Variants in LACC1 observed in about 807,000 individuals in gnomAD.
The protein encoded by LACC1 is purine nucleoside phosphorylase LACC1.
In LACC1, 25 loss-of-function variants were observed where a neutral mutation model predicts 34.8. That is an observed-to-expected ratio of 0.72 (90% CI 0.52 to 1.00). LACC1 has a LOEUF of 1.00. Ranked by LOEUF, LACC1 falls within the 50% of genes least tolerant of loss-of-function variation. LACC1 has a pLI of 0.00. For missense variants in LACC1, 426 were observed against 511.2 expected (o/e 0.83, Z 1.61); for synonymous variants, 162 against 168.0 (o/e 0.96, Z 0.28).
At chr13:43,885,555 T>C (rs2138323638) in intron 4 of LACC1, among the ~76,000 whole-genome samples, 1 of 152,262 alleles carries the variant, frequency 6.6e-6, no homozygotes, top group South Asian at 2.1e-4. Flanking sequence ...GCTAGCCATA[T>C]GTAGGAAATT....
chr13:43,888,823 G>A lies in LACC1; in HGVS notation c.974G>A (p.Cys325Tyr). ...TVNAMIAEYG[C>Y]SLEDIVVVLG... ...AATGCTATGATAGCAGAATATGGCTGCAGTTTGGAAGACATTGTTGTTGTA... is the reference window on the plus strand; with the variant it reads ...AATGCTATGATAGCAGAATATGGCTACAGTTTGGAAGACATTGTTGTTGTA... Residue 325 changes from cysteine to tyrosine, a missense_variant, in exon 5 of 7, where the codon TGC becomes TAC. Cys to Tyr is a radical substitution (Grantham distance 194). Coordinates refer to ENST00000325686, the MANE Select transcript of LACC1 (RefSeq NM_153218.4). 1.9e-6 allele frequency: 3 copies of A among 1,613,908 alleles called. No homozygotes were observed. The highest frequency in any genetic ancestry group is 2.5e-6 in the Non-Finnish European group (3 of 1,179,848).
In LACC1 at chr13:43,890,156, G is replaced by A. The variant is rs753862339; in HGVS notation, c.1176G>A (p.Gln392=). 4 of 1,613,084 alleles carry A rather than the reference G, an allele frequency of 2.5e-6. No individual in the cohort carries two copies. The South Asian group carries it at 4.4e-5, about 18-fold the overall frequency. Residue 392 remains glutamine (Q), a synonymous_variant, in exon 6 of 7, where the codon CAG becomes CAA. Transcript: ENST00000325686. The part of the protein sequence containing the change: ...EQGGILPQNI[Q]DQNQDLNLCT... ...GAGGAATTCTTCCACAGAATATTCA[G>A]GACCAGAACCAAGATCTCAACCTCT...
chr13:43,887,380 C>T (rs1955380619), intron 4 of LACC1, among the ~76,000 whole-genome samples: 1 of 152,114 alleles, frequency 6.6e-6, no homozygotes, highest in African/African-American at 2.4e-5. Flanking sequence ...TAAGGGTACT[C>T]ATTATTGGCC....
intron 6 of LACC1, 25 bp downstream of exon 6, chr13:43,890,299 T>G: frequency 6.3e-7 from 1 of 1,587,292 alleles, no homozygotes; most frequent in Non-Finnish European, 8.6e-7. Context: ...CTCTCCTCTC[T>G]CCGTTTTTCC....
intron 5 of LACC1, 169 bp from the exon 6 acceptor site, chr13:43,889,945 C>A: frequency 1.8e-6 from 1 of 561,292 alleles, no homozygotes; most frequent in Admixed American, 3.4e-5. Context: ...TAAAGTGTAG[C>A]ATTTTTTTCC....
intron 2 of LACC1, 34 bp from the exon 3 acceptor site, chr13:43,882,151 C>T (rs769501321): frequency 6.6e-7 from 1 of 1,524,602 alleles, no homozygotes; most frequent in Non-Finnish European, 8.9e-7. Context: ...TTTTGAATAG[C>T]ATCTTTTAAA....
At position 43,881,550 on chromosome 13, in the gene LACC1, A is replaced by G; in HGVS notation, c.562+3A>G. 1 of 1,577,766 alleles carries G rather than the reference A, an allele frequency of 6.3e-7. No homozygotes were observed. The highest frequency in any genetic ancestry group is 8.6e-7 in the Non-Finnish European group (1 of 1,162,684). Reference sequence around the variant, plus strand: ...TATCACTTCTTCTTTGATCCCAGGTATATTAACCACTAACTGTTGTTTTTA... The same window carrying G: ...TATCACTTCTTCTTTGATCCCAGGTGTATTAACCACTAACTGTTGTTTTTA... On this transcript the variant is annotated splice_donor_region_variant and intron_variant, in intron 2 of 6. Coordinates refer to ENST00000325686, the MANE Select transcript of LACC1 (RefSeq NM_153218.4).
chr13:43,887,923 A>G lies in LACC1; in HGVS notation c.908-834A>G, dbSNP rs547656472. On this transcript the variant is annotated intron_variant, in intron 4 of 6. Transcript: ENST00000325686. ...CAAAAAATTATAAATAGATTACCAT[A>G]TAATCCAGAAATTCCTCTTCTGGAA... is the stretch of plus-strand genomic sequence containing the variant. Among the ~76,000 whole-genome samples the G allele has an allele frequency of 2.6e-5, 4 of 152,326 alleles. No individual in the cohort carries two copies. The East Asian group carries it at 5.8e-4, about 22-fold the overall frequency.
intron 4 of LACC1, 98 bp from the exon 5 acceptor site, chr13:43,888,659 A>G: frequency 1.1e-6 from 1 of 923,932 alleles, no homozygotes; most frequent in South Asian, 1.5e-5. Flanking sequence ...TTTGAAAAAT[A>G]TACAAACTAA....
chr13:43,879,357 G>C, upstream of LACC1: 1 of 153,534 alleles, frequency 6.5e-6, no homozygotes, highest in Non-Finnish European at 1.4e-5. Flanking sequence ...TCCTCAAGGG[G>C]CCCCTAGCTG....
Position 43,893,458 on chromosome 13 carries a change from A to G in LACC1, c.*2011A>G, listed in dbSNP as rs1955639033. On this transcript the variant is annotated 3_prime_UTR_variant, in exon 7 of 7. Transcript: ENST00000325686. ...TGTTAACTTTTTGTTAACATAATTT[A>G]TTCATACATTCAGTGAAAATTTTGT... 6.6e-6 allele frequency: 1 copy of G among 152,014 alleles called. No homozygotes were observed. Among genetic ancestry groups the G allele is most frequent in the Admixed American group, 6.5e-5 (1 of 15,272 alleles). 9.4% of individuals were successfully genotyped at this position (152,014 alleles called of 1,614,324 possible).
At position 43,892,671 on chromosome 13, in the gene LACC1, C is replaced by G. The variant is rs1205161032; in HGVS notation, c.*1224C>G. On this transcript the variant is annotated 3_prime_UTR_variant, in exon 7 of 7. Transcript: ENST00000325686. ...CAAAGCTTACAATACAGAGATGATA[C>G]CTGATTCTATTGGAGCAGGTTTGAT... The G allele has an allele frequency of 6.6e-6, 1 of 151,946 alleles. No individual in the cohort carries two copies. The highest frequency in any genetic ancestry group is 1.5e-5 in the Non-Finnish European group (1 of 67,962). 9.4% of individuals were successfully genotyped at this position (151,946 alleles called of 1,614,324 possible). A position where few individuals can be genotyped will look rare whatever the true frequency, so the allele number is the denominator to read the frequency against.
chr13:43,883,775 A>G lies in LACC1; in HGVS notation c.746A>G (p.His249Arg). The change falls in exon 4 of 7, where the codon CAT becomes CGT. Residue 249 changes from histidine (H) to arginine (R), a missense_variant. Physicochemically the swap from His to Arg is conservative, Grantham distance 29. This residue lies in a region of LACC1 where 209 missense variants were observed against 300.3 expected (regional missense o/e 0.70). Transcript: ENST00000325686. ...GTTGCACATTTTTGGTATTAGACTC[A>G]TCATTCCAATGACATCTGGATTATG... ...NVEKFYRIKT[H>R]HSNDIWIMGR... 1 of 1,609,384 alleles carries G rather than the reference A, an allele frequency of 6.2e-7. No homozygotes were observed. The highest frequency in any genetic ancestry group is 8.5e-7 in the Non-Finnish European group (1 of 1,177,506).
rs1316926189 is a variant in LACC1 at position 43,893,278 on chromosome 13, TC to T, written c.*1834del. Reference sequence around the variant, plus strand: ...GCTACTCTGAAATACACAGGCATTATCCCTTTTATTCAGCTGAGAAAACTGA... The same window carrying T: ...GCTACTCTGAAATACACAGGCATTATCCTTTTATTCAGCTGAGAAAACTGA... On this transcript the variant is annotated 3_prime_UTR_variant, in exon 7 of 7. Transcript: ENST00000325686. 1 of 152,040 alleles carries T rather than the reference TC, an allele frequency of 6.6e-6. No individual in the cohort carries two copies. The highest frequency in any genetic ancestry group is 2.4e-5 in the African/African-American group (1 of 41,446). The allele number at this position is 152,040 out of a possible 1,614,324, so 9.4% of individuals were successfully genotyped here.
intron 1 of LACC1, 31 bp from the exon 2 acceptor site, chr13:43,880,921 C>A (rs1954988204): frequency 7.5e-7 from 1 of 1,332,100 alleles, no homozygotes; most frequent in Non-Finnish European, 1.0e-6. Context: ...TTTATATAAT[C>A]TTATATTCTT....
chr13:43,889,034 A>G, intron 5 of LACC1, 52 bp downstream of exon 5: 1 of 1,441,146 alleles, frequency 6.9e-7, no homozygotes, highest in Non-Finnish European at 9.7e-7. Flanking sequence ...ATTGTTCTAA[A>G]ATGAAATTTA....
rs986954078 is a variant in LACC1, at chr13:43,891,709, G to T, written c.*262G>T. 3.7e-6 allele frequency: 1 copy of T among 269,900 alleles called. No homozygotes were observed. Among genetic ancestry groups the T allele is most frequent in the African/African-American group, 2.3e-5 (1 of 43,584 alleles). 16.7% of individuals were successfully genotyped at this position (269,900 alleles called of 1,614,324 possible). A position where few individuals can be genotyped will look rare whatever the true frequency, so the allele number is the denominator to read the frequency against. ...GTTTGTTCTCCCTGTTTATTACACA[G>T]ATCAGGAATAGATTTGTTCAGTTCA... On this transcript the variant is annotated 3_prime_UTR_variant, in exon 7 of 7. Transcript: ENST00000325686.
chr13:43,884,484 T>C (rs933592865), intron 4 of LACC1, among the ~76,000 whole-genome samples: 8 of 152,186 alleles, frequency 5.3e-5, no homozygotes, highest in African/African-American at 1.4e-4. Context: ...TGGAGCTGCA[T>C]GTGTAAAGCT....
At position 43,891,658 on chromosome 13, in the gene LACC1, T is replaced by G; in HGVS notation, c.*211T>G. 1 of 548,088 alleles carries G rather than the reference T, an allele frequency of 1.8e-6. No homozygotes were observed. The allele number at this position is 548,088 out of a possible 1,614,324, so 34.0% of individuals were successfully genotyped here. A position where few individuals can be genotyped will look rare whatever the true frequency, so the allele number is the denominator to read the frequency against. Reference sequence around the variant, plus strand: ...AAATCAGTATGTTGTAGCTAATATGTTTTATGCATGAGAATTATTCTTAAA... The same window carrying G: ...AAATCAGTATGTTGTAGCTAATATGGTTTATGCATGAGAATTATTCTTAAA... On this transcript the variant is annotated 3_prime_UTR_variant, in exon 7 of 7. Coordinates refer to ENST00000325686, the MANE Select transcript of LACC1 (RefSeq NM_153218.4).
Sources: allele counts gnomAD v4.1 joint callset (sites outside exome capture counted in the v4.1 genomes callset), GRCh38; gene constraint gnomAD v4.1.1; regional missense constraint gnomAD v4.1.1; transcripts MANE v1.5; gene names NCBI Gene and HGNC (gene_info 2026-07-23, HGNC 2026-07-21).